IGF1R: variants seen among roughly 807,000 people sequenced by gnomAD.
IGF1R encodes insulin-like growth factor 1 receptor.
Under a neutral mutation model 144.6 loss-of-function variants are expected in IGF1R, and 44 were observed. The ratio of observed to expected loss-of-function variants is 0.30; its 90% CI spans 0.24 to 0.39. The LOEUF (loss-of-function observed/expected upper bound fraction) is 0.39, where lower values mean the gene tolerates loss of function less well. IGF1R is among the 10% of genes least tolerant of loss of function. The probability of loss-of-function intolerance (pLI) is 1.00; values close to 1 mark genes in which losing one functional copy is unlikely to be tolerated. For missense variants in IGF1R, 1,355 were observed against 1,833.7 expected (o/e 0.74, Z 4.77); for synonymous variants, 795 against 722.8 (o/e 1.10, Z -1.60).
intron 1 of IGF1R, among the ~76,000 whole-genome samples, chr15:98,655,658 A>C (rs1490782216): frequency 1.3e-5 from 2 of 151,972 alleles, no homozygotes; most frequent in African/African-American, 4.8e-5. Context: ...AAAAAAAATA[A>C]AACGAAACAA....
intron 2 of IGF1R, among the ~76,000 whole-genome samples, chr15:98,726,953 T>C (rs1422175368): frequency 3.3e-5 from 5 of 152,094 alleles, no homozygotes; most frequent in Admixed American, 1.3e-4. Flanking sequence ...ACTCCTGACC[T>C]CAGGTGATCC....
In IGF1R at chr15:98,899,472, T is replaced by C. The variant is rs2014366643; in HGVS notation, c.1103-5T>C. 1.2e-6 allele frequency: 2 copies of C among 1,613,936 alleles called. No homozygotes were observed. Among genetic ancestry groups the C allele is most frequent in the Admixed American group, 1.7e-5 (1 of 60,006 alleles). ...ACACAGTGACACAATCCCCTTTCAA[T>C]GTAGATAACATTGCTTCAGAGCTGG... On this transcript the variant is annotated splice_region_variant and splice_polypyrimidine_tract_variant and intron_variant, in intron 4 of 20. Coordinates refer to ENST00000650285, the MANE Select transcript of IGF1R (RefSeq NM_000875.5).
chr15:98,729,781 G>C lies in IGF1R; in HGVS notation c.640+21674G>C, dbSNP rs1029647411. On this transcript the variant is annotated intron_variant, in intron 2 of 20. Coordinates refer to ENST00000650285, the MANE Select transcript of IGF1R (RefSeq NM_000875.5). The stretch of plus-strand genomic sequence containing the variant: ...AACAGTAGGTCCTGGCTGGGGTCTG[G>C]CATAGAATGCCCTTGGCACGATGTG... Among the ~76,000 whole-genome samples the C allele has an allele frequency of 8.5e-5, 13 of 152,154 alleles. 1 individual carries two copies. The highest frequency in any genetic ancestry group is 8.5e-4 in the Admixed American group (13 of 15,280).
Position 98,707,511 on chromosome 15 carries a change from T to G in IGF1R, c.95-51T>G, listed in dbSNP as rs2053894186. ...CTGTATTATTGTTTGGAAAATAGTT[T>G]AAAAATTATTTCCTTCTAACTGAGA... On this transcript the variant is annotated intron_variant, in intron 1 of 20. Coordinates refer to ENST00000650285, the MANE Select transcript of IGF1R (RefSeq NM_000875.5). The surrounding 1 kb of genome is among the most constrained non-coding windows in gnomAD (Gnocchi z 6.7). 1 of 1,558,590 alleles carries G rather than the reference T, an allele frequency of 6.4e-7. No homozygotes were observed. The highest frequency in any genetic ancestry group is 8.8e-7 in the Non-Finnish European group (1 of 1,135,536).
At chr15:98,723,399 T>C (rs900640134) in intron 2 of IGF1R, among the ~76,000 whole-genome samples, 1 of 152,166 alleles carries the variant, frequency 6.6e-6, no homozygotes, top group Non-Finnish European at 1.5e-5. Flanking sequence ...CAGACATGAA[T>C]GGGCAAATGA....
chr15:98,771,861 C>G (rs1184779415), intron 2 of IGF1R, among the ~76,000 whole-genome samples: 2 of 151,948 alleles, frequency 1.3e-5, no homozygotes, highest in Non-Finnish European at 1.5e-5. Flanking sequence ...TACTGACATT[C>G]AAGCTGAGTT....
chr15:98,777,395 A>G (rs188580515), intron 2 of IGF1R, among the ~76,000 whole-genome samples: 58 of 152,354 alleles, frequency 3.8e-4, no homozygotes, highest in Non-Finnish European at 6.8e-4. Flanking sequence ...ATTCAGTTCC[A>G]GGGTTTGGGA....
chr15:98,703,485 C>T (rs2053786249), intron 1 of IGF1R, among the ~76,000 whole-genome samples: 1 of 152,182 alleles, frequency 6.6e-6, no homozygotes, highest in Non-Finnish European at 1.5e-5. Context: ...TCCTGAAGAC[C>T]AGTGGTGTCA....
intron 2 of IGF1R, among the ~76,000 whole-genome samples, chr15:98,771,298 C>T (rs2055577886): frequency 6.6e-6 from 1 of 152,174 alleles, no homozygotes; most frequent in African/African-American, 2.4e-5. Context: ...AACACAACTA[C>T]TTAGGATTTT....
intron 2 of IGF1R, among the ~76,000 whole-genome samples, chr15:98,789,922 ATT>A (rs909154742): frequency 6.6e-6 from 1 of 152,084 alleles, no homozygotes; most frequent in Non-Finnish European, 1.5e-5. Flanking sequence ...AATGGCCCTG[ATT>A]TGCTTCAGAT....
chr15:98,924,064 C>T, intron 12 of IGF1R, 52 bp downstream of exon 12: 1 of 1,536,806 alleles, frequency 6.5e-7, no homozygotes, highest in Non-Finnish European at 9.0e-7. Context: ...CCATTGACAG[C>T]ATATGCTACC....
rs540332906 is a variant in IGF1R at position 98,736,929 on chromosome 15, A to G, written c.640+28822A>G. On this transcript the variant is annotated intron_variant, in intron 2 of 20. Coordinates refer to ENST00000650285, the MANE Select transcript of IGF1R (RefSeq NM_000875.5). ...GCCTGGCTGGTGGGAGTATTTTCAAAGAGAACAACAATTCACCACACCCCA... is the reference window on the plus strand; with the variant it reads ...GCCTGGCTGGTGGGAGTATTTTCAAGGAGAACAACAATTCACCACACCCCA... Among the ~76,000 whole-genome samples the G allele has an allele frequency of 2.6e-5, 4 of 152,228 alleles. No homozygotes were observed. The South Asian group carries it at 6.2e-4, about 24-fold the overall frequency.
At chr15:98,735,466 T>C (rs897814983) in intron 2 of IGF1R, among the ~76,000 whole-genome samples, 26 of 152,226 alleles carry the variant, frequency 1.7e-4, no homozygotes, top group African/African-American at 6.3e-4. Flanking sequence ...GAGCAATCTG[T>C]TCCAGTGGCA....
chr15:98,736,614 T>TC (rs1596250635), intron 2 of IGF1R, among the ~76,000 whole-genome samples: 3 of 141,196 alleles, frequency 2.1e-5, no homozygotes, highest in Non-Finnish European at 3.0e-5. Context: ...TTTTTTCTTT[T>TC]TTCTTTTTTT....
At chr15:98,701,324 ATTTTTTTTTTT>A (rs10581900) in intron 1 of IGF1R, among the ~76,000 whole-genome samples, 11 of 73,020 alleles carry the variant, frequency 1.5e-4, no homozygotes, top group African/African-American at 6.9e-4. Context: ...AGCCTATCTC[ATTTTTTTTTTT>A]TTTTTTTTTT....
chr15:98,893,151 A>AG, intron 3 of IGF1R, among the ~76,000 whole-genome samples: 1 of 152,350 alleles, frequency 6.6e-6, no homozygotes, highest in Non-Finnish European at 1.5e-5. Context: ...AGTAGGTGTT[A>AG]ATTTTAAATA....
intron 2 of IGF1R, among the ~76,000 whole-genome samples, chr15:98,828,488 C>G (rs2056938255): frequency 6.6e-6 from 1 of 152,074 alleles, no homozygotes; most frequent in African/African-American, 2.4e-5. Context: ...TGTTTGGATT[C>G]AAACAGAGGA....
intron 2 of IGF1R, among the ~76,000 whole-genome samples, chr15:98,820,420 A>G (rs1276509031): frequency 6.6e-6 from 1 of 152,232 alleles, no homozygotes; most frequent in Non-Finnish European, 1.5e-5. Flanking sequence ...TGCTTGCATT[A>G]AAAAGAATAT....
At chr15:98,930,049 T>C (rs576942935) in intron 14 of IGF1R, among the ~76,000 whole-genome samples, 186 bp from the exon 15 acceptor site, 1 of 152,204 alleles carries the variant, frequency 6.6e-6, no homozygotes, top group African/African-American at 2.4e-5. Flanking sequence ...TTAGCAAATG[T>C]CTGCTGGCTC....
Sources: allele counts gnomAD v4.1 joint callset (sites outside exome capture counted in the v4.1 genomes callset), GRCh38; gene constraint gnomAD v4.1.1; non-coding constraint Gnocchi (gnomAD v3.1); transcripts MANE v1.5; gene names NCBI Gene and HGNC (gene_info 2026-07-23, HGNC 2026-07-21).